TRIM11: variants seen among roughly 807,000 people sequenced by gnomAD.
TRIM11 encodes the protein tripartite motif containing 11, also known as E3 ubiquitin-protein ligase TRIM11.
Under a neutral mutation model 33.4 loss-of-function variants are expected in TRIM11, and 15 were observed. That is an observed-to-expected ratio of 0.45 (90% CI 0.30 to 0.69). TRIM11 has a LOEUF of 0.69. Among genes scored for constraint, TRIM11 ranks in the 30% least tolerant of loss-of-function variants. TRIM11 has a pLI of 0.08. For synonymous variants in TRIM11, 281 were observed against 302.6 expected (o/e 0.93, Z 0.74); for missense variants, 499 against 667.6 (o/e 0.75, Z 2.78).
chr1:228,397,265 T>C (rs1185656051), intron 3 of TRIM11, 100 bp from the exon 4 acceptor site: 2 of 1,415,914 alleles, frequency 1.4e-6, no homozygotes, highest in East Asian at 4.8e-5. Flanking sequence ...CCCCCTCTCC[T>C]ACATTTGAGC....
chr1:228,396,260 A>C (rs531942981), intron 5 of TRIM11: 1 of 153,616 alleles, frequency 6.5e-6, no homozygotes, highest in African/African-American at 2.6e-5. Flanking sequence ...AAGGGGTCTG[A>C]GGTTGAGCCC....
rs917139772 is a variant in TRIM11, at chr1:228,394,158, C to G, written c.*547G>C. The stretch of plus-strand genomic sequence containing the variant: ...CTCACTGGCCCCTCCCATCATCTCT[C>G]TGAAGACTCTTATTATGGCTGCCTC... On this transcript the variant is annotated 3_prime_UTR_variant, in exon 6 of 6. Coordinates refer to ENST00000284551, the MANE Select transcript of TRIM11 (RefSeq NM_145214.3). The surrounding 1 kb of genome is among the most constrained non-coding windows in gnomAD (Gnocchi z 6.2). The G allele has an allele frequency of 6.5e-6, 1 of 153,110 alleles. No homozygotes were observed. The highest frequency in any genetic ancestry group is 2.4e-5 in the African/African-American group (1 of 41,486). 9.5% of individuals were successfully genotyped at this position (153,110 alleles called of 1,614,324 possible).
Position 228,406,706 on chromosome 1 carries a change from G to C in TRIM11, c.-145C>G. On this transcript the variant is annotated 5_prime_UTR_variant, in exon 1 of 6. Coordinates refer to ENST00000284551, the MANE Select transcript of TRIM11 (RefSeq NM_145214.3). This position sits in a 1 kb window ranked among gnomAD's most constrained non-coding sequence, Gnocchi z 8.2. ...CGAGGCTCGGGACTCCCGGGTGCTC[G>C]GGCTCCGGGGCGCGGGGACTCCAGG... The C allele has an allele frequency of 2.7e-6, 2 of 745,352 alleles. No individual in the cohort carries two copies. Among genetic ancestry groups the C allele is most frequent in the South Asian group, 4.8e-5 (1 of 20,878 alleles). 46.2% of individuals were successfully genotyped at this position (745,352 alleles called of 1,614,324 possible).
intron 1 of TRIM11, 86 bp from the exon 2 acceptor site, chr1:228,402,247 CAA>C: frequency 1.0e-6 from 1 of 970,760 alleles, no homozygotes; most frequent in Non-Finnish European, 1.5e-6. Flanking sequence ...GTCCCCTCCT[CAA>C]AGACAATGGG....
chr1:228,402,344 G>C (rs990002288), intron 1 of TRIM11, 183 bp from the exon 2 acceptor site: 4 of 507,856 alleles, frequency 7.9e-6, no homozygotes, highest in Admixed American at 3.8e-5. Flanking sequence ...GCAGCCTCTT[G>C]CCAGAGGCTG....
rs575878985 is a variant in TRIM11 at position 228,394,138 on chromosome 1, T to G, written c.*567A>C. On this transcript the variant is annotated 3_prime_UTR_variant, in exon 6 of 6. Transcript: ENST00000284551. This position sits in a 1 kb window ranked among gnomAD's most constrained non-coding sequence, Gnocchi z 6.2. Reference sequence around the variant, plus strand: ...ATCTACTCTCTGTTCCTGTCCTCACTGGCCCCTCCCATCATCTCTCTGAAG... The same window carrying G: ...ATCTACTCTCTGTTCCTGTCCTCACGGGCCCCTCCCATCATCTCTCTGAAG... The G allele has an allele frequency of 1.2e-3, 180 of 152,898 alleles. No individual in the cohort carries two copies. Among genetic ancestry groups the G allele is most frequent in the Non-Finnish European group, 4.8e-4 (33 of 68,458 alleles). 9.5% of individuals were successfully genotyped at this position (152,898 alleles called of 1,614,324 possible). A position where few individuals can be genotyped will look rare whatever the true frequency, so the allele number is the denominator to read the frequency against.
At chr1:228,405,142 C>T (rs1438802592) in intron 1 of TRIM11, 1 of 152,274 alleles carries the variant, frequency 6.6e-6, no homozygotes, top group African/African-American at 2.4e-5. Flanking sequence ...TGTAGACATT[C>T]CTGCATGGGC....
In TRIM11 at chr1:228,395,374, C is replaced by G. The variant is rs1477167721; in HGVS notation, c.860-122G>C. ...GACGGCCTGGCTCTCTGCCCTGGGC[C>G]TGTAGCCTCACAACCTCCTGGAGTA... On this transcript the variant is annotated intron_variant, in intron 5 of 5. Transcript: ENST00000284551. The surrounding 1 kb of genome is among the most constrained non-coding windows in gnomAD (Gnocchi z 4.8). 9.2e-7 allele frequency: 1 copy of G among 1,088,508 alleles called. No individual in the cohort carries two copies. The highest frequency in any genetic ancestry group is 1.6e-5 in the African/African-American group (1 of 62,546). The allele number at this position is 1,088,508 out of a possible 1,614,324, so 67.4% of individuals were successfully genotyped here. A position where few individuals can be genotyped will look rare whatever the true frequency, so the allele number is the denominator to read the frequency against.
At position 228,393,834 on chromosome 1, in the gene TRIM11, A is replaced by C. The variant is rs890628036; in HGVS notation, c.*871T>G. On this transcript the variant is annotated 3_prime_UTR_variant, in exon 6 of 6. Transcript: ENST00000284551. ...CTTCTGTATGCCCCAGGCTCTGAGA[A>C]GCCACTGTTCCTCCCCAGGGTAGAG... 1 of 152,286 alleles carries C rather than the reference A, an allele frequency of 6.6e-6. No individual in the cohort carries two copies. The highest frequency in any genetic ancestry group is 2.4e-5 in the African/African-American group (1 of 41,458). The allele number at this position is 152,286 out of a possible 1,614,324, so 9.4% of individuals were successfully genotyped here.
chr1:228,401,047 G>C lies in TRIM11; in HGVS notation c.652C>G (p.Leu218Val). 6.2e-7 allele frequency: 1 copy of C among 1,612,288 alleles called. No individual in the cohort carries two copies. Among genetic ancestry groups the C allele is most frequent in the Middle Eastern group, 1.7e-4 (1 of 6,056 alleles). Residue 218 changes from leucine (L) to valine (V), a missense_variant, in exon 3 of 6, where the codon CTA (leucine) becomes GTA (valine). Leu to Val is a conservative substitution (Grantham distance 32). Coordinates refer to ENST00000284551, the MANE Select transcript of TRIM11 (RefSeq NM_145214.3). This position sits in a 1 kb window ranked among gnomAD's most constrained non-coding sequence, Gnocchi z 6.1. The stretch of plus-strand genomic sequence containing the variant: ...GCTAGGTGGGCGCTCTGCTGGCCTA[G>C]GTGGGCTGCGCCCTCCCGCAGCCGG... ...LPRLREGAAH[L>V]GQQSAHLAEL... is the part of the protein sequence containing the mutation.
intron 3 of TRIM11, chr1:228,397,819 G>A (rs546916024): frequency 2.8e-4 from 43 of 152,328 alleles, no homozygotes; most frequent in African/African-American, 9.6e-4. Flanking sequence ...CATTAGGGTG[G>A]GCTGCAATCC....
rs11555960 is a variant in TRIM11, at chr1:228,400,979, A to C, written c.720T>G (p.Ala240=). 0.12 allele frequency: 194,337 copies of C among 1,579,864 alleles called. 15,452 individuals are homozygous for C. The highest frequency in any genetic ancestry group is 0.41 in the East Asian group (17,934 of 43,794). ...CCCAGCTCACCTGCAGCAGCCCCAGAGCAGGCAGCTGGCAGCGGCCCTCGA... is the reference window on the plus strand; with the variant it reads ...CCCAGCTCACCTGCAGCAGCCCCAGCGCAGGCAGCTGGCAGCGGCCCTCGA... The part of the protein sequence containing the change: ...AELEGRCQLP[A]LGLLQDIKDA... Residue 240 remains alanine (A), a synonymous_variant, in exon 3 of 6, where the codon GCT becomes GCG. Transcript: ENST00000284551. This position sits in a 1 kb window ranked among gnomAD's most constrained non-coding sequence, Gnocchi z 4.5.
In TRIM11 at chr1:228,406,583, G is replaced by C. The variant is rs764788864; in HGVS notation, c.-22C>G. 1 of 1,454,026 alleles carries C rather than the reference G, an allele frequency of 6.9e-7. No homozygotes were observed. Among genetic ancestry groups the C allele is most frequent in the Non-Finnish European group, 9.1e-7 (1 of 1,100,898 alleles). The allele number at this position is 1,454,026 out of a possible 1,614,324, so 90.1% of individuals were successfully genotyped here. A position where few individuals can be genotyped will look rare whatever the true frequency, so the allele number is the denominator to read the frequency against. On this transcript the variant is annotated 5_prime_UTR_variant, in exon 1 of 6. Coordinates refer to ENST00000284551, the MANE Select transcript of TRIM11 (RefSeq NM_145214.3). This position sits in a 1 kb window ranked among gnomAD's most constrained non-coding sequence, Gnocchi z 8.2. ...CCATGGCGCGGACAGAGGGGAGGAA[G>C]GCGGTACTGTCCGCGGGGCGGCGGC...
rs1283281599 is a variant in TRIM11, at chr1:228,406,235, G to A, written c.327C>T (p.Leu109=). 1.4e-5 allele frequency: 21 copies of A among 1,495,150 alleles called. No homozygotes were observed. Among genetic ancestry groups the A allele is most frequent in the South Asian group, 8.8e-5 (7 of 79,800 alleles). 92.6% of individuals were successfully genotyped at this position (1,495,150 alleles called of 1,614,324 possible). A position where few individuals can be genotyped will look rare whatever the true frequency, so the allele number is the denominator to read the frequency against. The change falls in exon 1 of 6, where the codon CTC becomes CTT. Residue 109 remains leucine (L), a synonymous_variant. Transcript: ENST00000284551. This position sits in a 1 kb window ranked among gnomAD's most constrained non-coding sequence, Gnocchi z 8.2. Reference sequence around the variant, plus strand: ...CAGAGCGCTCGCAGGCCGCACACAGGAGGCGCAGCTCGTCGCCACAGAAGG... The same window carrying A: ...CAGAGCGCTCGCAGGCCGCACACAGAAGGCGCAGCTCGTCGCCACAGAAGG... ...LAAFCGDELR[L]LCAACERSGE...
In TRIM11 at chr1:228,402,043, A is replaced by G. The variant is rs754132072; in HGVS notation, c.504+23T>C. ...TTCACCCCCTACCCTGCCACCCAGGACCCTGGGAGCCCCAGCACCTGCCTG... is the reference window on the plus strand; with the variant it reads ...TTCACCCCCTACCCTGCCACCCAGGGCCCTGGGAGCCCCAGCACCTGCCTG... On this transcript the variant is annotated intron_variant, in intron 2 of 5. Transcript: ENST00000284551. 1.9e-6 allele frequency: 3 copies of G among 1,604,116 alleles called. No individual in the cohort carries two copies. In the South Asian group the frequency reaches 3.3e-5, roughly 18 times the overall value.
chr1:228,397,057 A>G lies in TRIM11; in HGVS notation c.759-10T>C. The stretch of plus-strand genomic sequence containing the variant: ...CTTCACATCCTGGACCCTAGAGGGG[A>G]CAACCCAGGTGTTGTCGCCATGGCC... On this transcript the variant is annotated splice_polypyrimidine_tract_variant and intron_variant, in intron 4 of 5. Transcript: ENST00000284551. 6.2e-7 allele frequency: 1 copy of G among 1,613,868 alleles called. No homozygotes were observed. Among genetic ancestry groups the G allele is most frequent in the African/African-American group, 1.3e-5 (1 of 75,024 alleles).
At chr1:228,398,549 A>G (rs101235) in intron 3 of TRIM11, among the ~76,000 whole-genome samples, 99,432 of 152,042 alleles carry the variant, frequency 0.65, 34,543 homozygotes, top group African/African-American at 0.9. Flanking sequence ...AGCCCAGGAC[A>G]TCGAGGCTGC....
intron 3 of TRIM11, among the ~76,000 whole-genome samples, chr1:228,398,640 T>C (rs577689457): frequency 1.3e-5 from 2 of 152,022 alleles, no homozygotes; most frequent in South Asian, 4.2e-4. Flanking sequence ...AATAAATAAA[T>C]AAAGAGGAGA....
rs1169239231 is a variant in TRIM11, at chr1:228,394,934, G to C, written c.1178C>G (p.Ala393Gly). ...GGGTGGGTCCCGGAGTGGAGCCAAG[G>C]CCCGTTCCGAGGAATTGTAATAGCT... ...LGSYYNSSER[A>G]LAPLRDPPRR... is the part of the protein sequence containing the mutation. The change falls in exon 6 of 6, where the codon GCC becomes GGC. Residue 393 changes from alanine (A) to glycine (G), a missense_variant. Coordinates refer to ENST00000284551, the MANE Select transcript of TRIM11 (RefSeq NM_145214.3). The surrounding 1 kb of genome is among the most constrained non-coding windows in gnomAD (Gnocchi z 6.2). 3 of 1,614,150 alleles carry C rather than the reference G, an allele frequency of 1.9e-6. No homozygotes were observed. Among genetic ancestry groups the C allele is most frequent in the African/African-American group, 1.3e-5 (1 of 75,042 alleles).
Sources: allele counts gnomAD v4.1 joint callset (sites outside exome capture counted in the v4.1 genomes callset), GRCh38; gene constraint gnomAD v4.1.1; non-coding constraint Gnocchi (gnomAD v3.1); transcripts MANE v1.5; gene names NCBI Gene and HGNC (gene_info 2026-07-23, HGNC 2026-07-21).